SKAP2: variants seen among roughly 807,000 people sequenced by gnomAD.
The protein encoded by SKAP2 is src kinase associated phosphoprotein 2.
In SKAP2, 28 loss-of-function variants were observed where a neutral mutation model predicts 54.9. The ratio of observed to expected loss-of-function variants is 0.51; its 90% CI spans 0.38 to 0.70. The LOEUF (loss-of-function observed/expected upper bound fraction) is 0.70. Ranked by LOEUF, SKAP2 falls within the 30% of genes least tolerant of loss-of-function variation. SKAP2 has a pLI of 0.00. For missense variants in SKAP2, 356 were observed against 424.1 expected, an observed-to-expected ratio of 0.84 and a Z score of 1.41; for synonymous variants, 137 against 134.3, an observed-to-expected ratio of 1.02 and a Z score of -0.14.
At position 26,738,395 on chromosome 7, in the gene SKAP2, G is replaced by A. The variant is rs544498414; in HGVS notation, c.469+400C>T. On this transcript the variant is annotated intron_variant, in intron 6 of 12. Transcript: ENST00000345317. Reference sequence around the variant, plus strand: ...AAGGGAGCTCAGAAAGGTGCTGTTCGTATTTAATTTTATCTAATTTTATTT... The same window carrying A: ...AAGGGAGCTCAGAAAGGTGCTGTTCATATTTAATTTTATCTAATTTTATTT... Among the ~76,000 whole-genome samples the A allele has an allele frequency of 7.9e-5, 12 of 152,176 alleles. No individual in the cohort carries two copies. The South Asian group carries it at 1.2e-3, about 16-fold the overall frequency.
intron 4 of SKAP2, among the ~76,000 whole-genome samples, chr7:26,759,492 A>G (rs1183452379): frequency 6.6e-6 from 1 of 152,280 alleles, no homozygotes; most frequent in East Asian, 1.9e-4. Flanking sequence ...CCAGCCTCTT[A>G]CAATGCTAGC....
intron 9 of SKAP2, among the ~76,000 whole-genome samples, chr7:26,722,379 A>G (rs141796238): frequency 0.025 from 3,572 of 145,532 alleles, 71 homozygotes; most frequent in Non-Finnish European, 0.036. Flanking sequence ...GATATTATGC[A>G]ATGCAATTTT....
intron 4 of SKAP2, among the ~76,000 whole-genome samples, chr7:26,752,583 G>A (rs1782710286): frequency 6.6e-6 from 1 of 152,104 alleles, no homozygotes; most frequent in East Asian, 1.9e-4. Flanking sequence ...TGTTTGCCTT[G>A]ATCAGACTTC....
chr7:26,673,156 G>A (rs532959595), intron 11 of SKAP2, among the ~76,000 whole-genome samples: 13 of 152,102 alleles, frequency 8.5e-5, no homozygotes, highest in African/African-American at 2.6e-4. Flanking sequence ...ATACCAGGCT[G>A]TTGTCTAAAT....
At position 26,684,805 on chromosome 7, in the gene SKAP2, C is replaced by G; in HGVS notation, c.918G>C (p.Trp306Cys). 6.2e-7 allele frequency: 1 copy of G among 1,612,766 alleles called. No homozygotes were observed. Among genetic ancestry groups the G allele is most frequent in the Non-Finnish European group, 8.5e-7 (1 of 1,179,068 alleles). The change falls in exon 11 of 13, where the codon TGG becomes TGC. Residue 306 changes from tryptophan to cysteine, a missense_variant. Transcript: ENST00000345317. The stretch of plus-strand genomic sequence containing the variant: ...CATCAGAAAAAGCTCCAGTACAATC[C>G]CACAATCCCTGGTAAAAATTAGCAT... ...TDYANFYQGL[W>C]DCTGAFSDEL...
In SKAP2 at chr7:26,781,461, G is replaced by A. The variant is rs1041117090; in HGVS notation, c.308-41497C>T. Among the ~76,000 whole-genome samples the A allele has an allele frequency of 2.6e-5, 4 of 152,136 alleles. No homozygotes were observed. The East Asian group carries it at 7.7e-4, about 29-fold the overall frequency. On this transcript the variant is annotated intron_variant, in intron 4 of 12. Transcript: ENST00000345317. ...TGCAAATACCAACCAGGGTGCTACT[G>A]CGCCTTTTCAGAGATATTTGCATAT...
At chr7:26,811,107 A>C (rs1333998852) in intron 4 of SKAP2, among the ~76,000 whole-genome samples, 1 of 152,182 alleles carries the variant, frequency 6.6e-6, no homozygotes, top group Non-Finnish European at 1.5e-5. Context: ...TTAGCATCCA[A>C]AGCTCATGTC....
intron 4 of SKAP2, among the ~76,000 whole-genome samples, chr7:26,764,377 G>A (rs1167574381): frequency 2.0e-5 from 3 of 152,098 alleles, no homozygotes; most frequent in South Asian, 2.1e-4. Context: ...CTGTTGAACC[G>A]TAAACTTCGT....
intron 6 of SKAP2, among the ~76,000 whole-genome samples, chr7:26,730,863 G>T (rs1787809021): frequency 6.6e-6 from 1 of 152,134 alleles, no homozygotes; most frequent in African/African-American, 2.4e-5. Flanking sequence ...GCTGTGTTCT[G>T]GGGGTTTTTT....
intron 1 of SKAP2, 174 bp from the exon 2 acceptor site, chr7:26,855,064 A>G (rs1169058672): frequency 4.3e-6 from 2 of 462,270 alleles, no homozygotes; most frequent in Non-Finnish European, 7.6e-6. Flanking sequence ...ACTAAGTTGA[A>G]CAAATCTGAT....
intron 6 of SKAP2, among the ~76,000 whole-genome samples, chr7:26,728,342 C>T (rs1787752367): frequency 6.6e-6 from 1 of 152,082 alleles, no homozygotes; most frequent in Non-Finnish European, 1.5e-5. Context: ...TTAGTTCAGG[C>T]CTTCTTGGAG....
intron 4 of SKAP2, among the ~76,000 whole-genome samples, chr7:26,799,375 T>C (rs907947312): frequency 2.0e-5 from 3 of 151,894 alleles, no homozygotes; most frequent in African/African-American, 7.3e-5. Flanking sequence ...AAAAAAGATA[T>C]TTCATGCCAA....
chr7:26,799,015 G>A lies in SKAP2; in HGVS notation c.307+45015C>T, dbSNP rs908027528. On this transcript the variant is annotated intron_variant, in intron 4 of 12. Transcript: ENST00000345317. ...AAAGGAAACAAAGGAAGAAAGGAAGGGAAGGAAAAAGGGGAGGGGAAAAGA... is the reference window on the plus strand; with the variant it reads ...AAAGGAAACAAAGGAAGAAAGGAAGAGAAGGAAAAAGGGGAGGGGAAAAGA... Among the ~76,000 whole-genome samples the A allele has an allele frequency of 2.0e-5, 3 of 149,306 alleles. No individual in the cohort carries two copies. In the Admixed American group the frequency reaches 2.0e-4, roughly 10 times the overall value.
Position 26,744,988 on chromosome 7 carries a change from T to C in SKAP2, c.308-5024A>G, listed in dbSNP as rs116230487. ...CTATTTTATCATCAATAATTCATCA[T>C]ATTATTGGCTTCATTACACTAATAT... On this transcript the variant is annotated intron_variant, in intron 4 of 12. Coordinates refer to ENST00000345317, the MANE Select transcript of SKAP2 (RefSeq NM_003930.5). Among the ~76,000 whole-genome samples, 1,234 of 152,312 alleles carry C rather than the reference T, an allele frequency of 8.1e-3. 16 individuals carry two copies. The highest frequency in any genetic ancestry group is 0.028 in the African/African-American group (1,171 of 41,570).
chr7:26,723,833 G>A lies in SKAP2; in HGVS notation c.796+1595C>T, dbSNP rs1009217768. Among the ~76,000 whole-genome samples the A allele has an allele frequency of 3.9e-5, 6 of 151,934 alleles. No individual in the cohort carries two copies. In the East Asian group the frequency reaches 7.7e-4, roughly 19 times the overall value. On this transcript the variant is annotated intron_variant, in intron 9 of 12. Coordinates refer to ENST00000345317, the MANE Select transcript of SKAP2 (RefSeq NM_003930.5). The stretch of plus-strand genomic sequence containing the variant: ...AAAAGGATGTAATGGCAGTAATATC[G>A]TGTTTAAATGTATTCCACTCTTCCA...
chr7:26,729,154 A>C (rs779370696), intron 6 of SKAP2, among the ~76,000 whole-genome samples: 1 of 151,950 alleles, frequency 6.6e-6, no homozygotes, highest in Non-Finnish European at 1.5e-5. Flanking sequence ...TTTTAGCCAA[A>C]CCCCCTAGAA....
At chr7:26,857,074 GT>G (rs370320391) in intron 1 of SKAP2, among the ~76,000 whole-genome samples, 1 of 148,604 alleles carries the variant, frequency 6.7e-6, no homozygotes, top group Admixed American at 6.7e-5. Flanking sequence ...TTATGACAAA[GT>G]TTTTTTTGAA....
intron 4 of SKAP2, among the ~76,000 whole-genome samples, chr7:26,801,730 G>T (rs989661314): frequency 1.3e-5 from 2 of 151,922 alleles, no homozygotes; most frequent in Non-Finnish European, 2.9e-5. Context: ...ATGTGAAAAA[G>T]AAATTTAAAA....
intron 9 of SKAP2, among the ~76,000 whole-genome samples, chr7:26,702,932 G>GGTTAA (rs1787070048): frequency 6.6e-6 from 1 of 152,176 alleles, no homozygotes; most frequent in Admixed American, 6.5e-5. Context: ...CTTGAGCAGT[G>GGTTAA]GTTATCAAAC....
Sources: allele counts gnomAD v4.1 joint callset (sites outside exome capture counted in the v4.1 genomes callset), GRCh38; gene constraint gnomAD v4.1.1; transcripts MANE v1.5; gene names NCBI Gene and HGNC (gene_info 2026-07-23, HGNC 2026-07-21).